Variants in PPP2R2B observed in about 807,000 individuals in gnomAD.
PPP2R2B encodes the protein protein phosphatase 2 regulatory subunit Bbeta.
PPP2R2B carries 5 observed loss-of-function variants against 46.0 expected under a neutral mutation model. That is an observed-to-expected ratio of 0.11 (90% CI 0.06 to 0.23). The LOEUF is 0.23. Among genes scored for constraint, PPP2R2B ranks in the 10% least tolerant of loss-of-function variants. PPP2R2B has a pLI of 1.00. For missense variants in PPP2R2B, 367 were observed against 575.0 expected (o/e 0.64, Z 3.70); for synonymous variants, 215 against 206.7 (o/e 1.04, Z -0.34).
At chr5:146,895,991 T>C (rs1401633910) in intron 1 of PPP2R2B, among the ~76,000 whole-genome samples, 2 of 152,136 alleles carry the variant, frequency 1.3e-5, no homozygotes, top group African/African-American at 4.8e-5. Flanking sequence ...GTCATTACTG[T>C]TTGACAATTC....
intron 1 of PPP2R2B, among the ~76,000 whole-genome samples, chr5:146,947,459 G>A (rs1249421648): frequency 6.6e-6 from 1 of 152,126 alleles, no homozygotes; most frequent in Non-Finnish European, 1.5e-5. Flanking sequence ...TGTTGGAGAA[G>A]TGGACTGTCT....
intron 1 of PPP2R2B, among the ~76,000 whole-genome samples, chr5:146,976,231 G>A (rs1350599524): frequency 2.6e-5 from 4 of 151,532 alleles, no homozygotes; most frequent in Non-Finnish European, 4.4e-5. Flanking sequence ...TCTGCTTCCC[G>A]GGTTCAAGCT....
intron 1 of PPP2R2B, among the ~76,000 whole-genome samples, chr5:146,928,706 A>C (rs1763869606): frequency 6.6e-6 from 1 of 152,180 alleles, no homozygotes; most frequent in South Asian, 2.1e-4. Flanking sequence ...AAACCCTGGT[A>C]TACTATACTC....
In PPP2R2B at chr5:146,744,394, A is replaced by C. The variant is rs184869599; in HGVS notation, c.71-43252T>G. 1.6e-3 allele frequency among the ~76,000 whole-genome samples: 244 copies of C among 152,334 alleles called. 1 individual carries two copies. Among genetic ancestry groups the C allele is most frequent in the African/African-American group, 5.3e-3 (220 of 41,592 alleles). On this transcript the variant is annotated intron_variant, in intron 2 of 9. Coordinates refer to ENST00000394411, the MANE Select transcript of PPP2R2B (RefSeq NM_181675.4). ...CATTTTTGGCTTTTTAGATGAAAGG[A>C]ACTTGGCCCTTAGGCTTCAGTGCAC...
chr5:146,793,160 TAAAG>T (rs1290336380), intron 2 of PPP2R2B, among the ~76,000 whole-genome samples: 2 of 152,168 alleles, frequency 1.3e-5, no homozygotes, highest in Non-Finnish European at 2.9e-5. Flanking sequence ...GGAGTGTGAA[TAAAG>T]AATGACTGCA....
intron 5 of PPP2R2B, among the ~76,000 whole-genome samples, chr5:146,680,902 C>T (rs1032872005): frequency 6.6e-6 from 1 of 152,128 alleles, no homozygotes; most frequent in Non-Finnish European, 1.5e-5. Flanking sequence ...CTGTTGAAAA[C>T]AGTCTCCTTT....
chr5:146,788,340 G>GA (rs375897009), intron 2 of PPP2R2B, among the ~76,000 whole-genome samples: 101 of 138,654 alleles, frequency 7.3e-4, no homozygotes, highest in Non-Finnish European at 1.0e-3. Context: ...CTGGTTTAAA[G>GA]AAAAAAAAAA....
chr5:146,989,946 C>T (rs922609758), intron 1 of PPP2R2B, among the ~76,000 whole-genome samples: 4 of 151,268 alleles, frequency 2.6e-5, no homozygotes, highest in Non-Finnish European at 5.9e-5. Context: ...TTTCTATATG[C>T]TAATAATGAA....
chr5:147,023,543 A>G (rs1321375941), intron 1 of PPP2R2B, among the ~76,000 whole-genome samples: 1 of 152,248 alleles, frequency 6.6e-6, no homozygotes, highest in Non-Finnish European at 1.5e-5. Context: ...AAAAAGACCT[A>G]TGATGTAAAC....
At chr5:147,026,129 C>T (rs1372852375) in intron 1 of PPP2R2B, among the ~76,000 whole-genome samples, 2 of 152,036 alleles carry the variant, frequency 1.3e-5, no homozygotes, top group Non-Finnish European at 2.9e-5. Flanking sequence ...TAAGTACCTA[C>T]TCCAGAGGGA....
In PPP2R2B at chr5:146,594,291, T is replaced by C. The variant is rs183341003; in HGVS notation, c.961-1229A>G. On this transcript the variant is annotated intron_variant, in intron 8 of 9. Transcript: ENST00000394411. Reference sequence around the variant, plus strand: ...GAAAGGGTTGAGAAACAGTGTCAGATTTCTGGAAGGCACCAGGGGACACTT... The same window carrying C: ...GAAAGGGTTGAGAAACAGTGTCAGACTTCTGGAAGGCACCAGGGGACACTT... Among the ~76,000 whole-genome samples, 3 of 152,316 alleles carry C rather than the reference T, an allele frequency of 2.0e-5. No individual in the cohort carries two copies. The East Asian group carries it at 5.8e-4, about 29-fold the overall frequency.
intron 1 of PPP2R2B, among the ~76,000 whole-genome samples, chr5:146,937,056 C>A (rs1191134695): frequency 6.6e-6 from 1 of 152,132 alleles, no homozygotes; most frequent in African/African-American, 2.4e-5. Flanking sequence ...AATCCCAGCA[C>A]TTTGGGAAGC....
intron 2 of PPP2R2B, among the ~76,000 whole-genome samples, chr5:147,079,434 T>TTATATATATATATATA (rs1260007870): frequency 1.6e-4 from 13 of 80,956 alleles, no homozygotes; most frequent in African/African-American, 5.5e-4. Flanking sequence ...CACACACATT[T>TTATATATATATATATA]TATATATATA....
At chr5:146,802,904 C>T (rs550523449) in intron 2 of PPP2R2B, among the ~76,000 whole-genome samples, 48 of 152,284 alleles carry the variant, frequency 3.2e-4, no homozygotes, top group African/African-American at 1.1e-3. Context: ...AGGAGTCCAA[C>T]CTGGCTATTA....
intron 2 of PPP2R2B, among the ~76,000 whole-genome samples, chr5:146,787,600 C>A (rs527797212): frequency 6.6e-6 from 1 of 152,096 alleles, no homozygotes; most frequent in East Asian, 1.9e-4. Flanking sequence ...TGGAGTCTCA[C>A]TGTGTCACCC....
At chr5:146,939,376 A>G (rs1764252659) in intron 1 of PPP2R2B, among the ~76,000 whole-genome samples, 1 of 152,206 alleles carries the variant, frequency 6.6e-6, no homozygotes. Context: ...GAGCACATGC[A>G]AGTCACGTTC....
At chr5:147,065,651 T>G (rs2151909066) in intron 2 of PPP2R2B, among the ~76,000 whole-genome samples, 1 of 151,994 alleles carries the variant, frequency 6.6e-6, no homozygotes, top group Middle Eastern at 3.4e-3. Context: ...GGAGCGAGGT[T>G]GAGGGATTGG....
chr5:146,855,910 T>C (rs539729151), intron 2 of PPP2R2B, among the ~76,000 whole-genome samples: 2 of 152,354 alleles, frequency 1.3e-5, no homozygotes, highest in African/African-American at 2.4e-5. Flanking sequence ...GAGTTAATAA[T>C]GAAAGGGCTT....
At chr5:146,788,062 T>A (rs765080298) in intron 2 of PPP2R2B, among the ~76,000 whole-genome samples, 6 of 152,142 alleles carry the variant, frequency 3.9e-5, no homozygotes, top group Middle Eastern at 3.2e-3. Context: ...AAGCCTGATT[T>A]TCCAGCTGGA....
Sources: gnomAD v4.1 joint callset for allele counts (sites outside exome capture counted in the v4.1 genomes callset) on GRCh38, gnomAD v4.1.1 for gene constraint, MANE v1.5 for transcripts, NCBI Gene and HGNC (gene_info 2026-07-23, HGNC 2026-07-21) for gene names.